The following SAMD9 variants were observed in gnomAD, a reference collection of about 807,000 sequenced individuals.
SAMD9 encodes the protein sterile alpha motif domain-containing protein 9.
Under a neutral mutation model 1.5 loss-of-function variants are expected in SAMD9, and 3 were observed. The ratio of observed to expected loss-of-function variants is 2.05; its 90% CI spans 0.93 to 5.29. The LOEUF is 5.29. Among genes scored for constraint, SAMD9 ranks in the 30% most tolerant of loss-of-function variants. The probability of loss-of-function intolerance (pLI) is 0.02; values close to 1 mark genes in which losing one functional copy is unlikely to be tolerated. For missense variants in SAMD9, 1,597 were observed against 1,820.8 expected (o/e 0.88, Z 2.24); for synonymous variants, 635 against 631.9 (o/e 1.00, Z -0.07).
At chr7:93,112,854 A>G (rs1188411249) in intron 2 of SAMD9, among the ~76,000 whole-genome samples, 2 of 152,252 alleles carry the variant, frequency 1.3e-5, no homozygotes, top group African/African-American at 4.8e-5. Flanking sequence ...GGAAGAATCA[A>G]TATCATGAAA....
chr7:93,102,800 C>A lies in SAMD9; in HGVS notation c.3298G>T (p.Gly1100Cys). ...RHFYIKKKDFGNALNWAKQAK... is the reference protein window; with the variant it reads ...RHFYIKKKDFCNALNWAKQAK... ...TGTTTTGCCCAGTTTAGAGCATTGC[C>A]AAAGTCCTTCTTTTTAATGTAGAAA... The change falls in exon 3 of 3, where the codon GGC (glycine) becomes TGC (cysteine). Residue 1100 changes from glycine to cysteine, a missense_variant. By Grantham distance (159) the Gly-to-Cys change is radical (BLOSUM62 -3). Transcript: ENST00000379958. The A allele has an allele frequency of 6.2e-7, 1 of 1,613,826 alleles. No individual in the cohort carries two copies. Among genetic ancestry groups the A allele is most frequent in the East Asian group, 2.2e-5 (1 of 44,872 alleles).
chr7:93,100,363 C>G lies in SAMD9; in HGVS notation c.*965G>C, dbSNP rs949235827. The G allele has an allele frequency of 1.3e-5, 2 of 152,052 alleles. No homozygotes were observed. Among genetic ancestry groups the G allele is most frequent in the Non-Finnish European group, 2.9e-5 (2 of 68,008 alleles). 9.4% of individuals were successfully genotyped at this position (152,052 alleles called of 1,614,324 possible). On this transcript the variant is annotated 3_prime_UTR_variant, in exon 3 of 3. Coordinates refer to ENST00000379958, the MANE Select transcript of SAMD9 (RefSeq NM_017654.4). ...CAGGCCCATAATGTCTGGTCTTCCT[C>G]TGTGATGTTAATATTTATCAGGATT...
intron 2 of SAMD9, among the ~76,000 whole-genome samples, chr7:93,109,644 GA>G (rs1464503280): frequency 6.6e-6 from 1 of 152,174 alleles, no homozygotes; most frequent in Admixed American, 6.5e-5. Context: ...CATGGCACAA[GA>G]ACTACGTGAC....
chr7:93,106,341 CA>C (rs1402500643), intron 2 of SAMD9, among the ~76,000 whole-genome samples: 2 of 152,170 alleles, frequency 1.3e-5, no homozygotes, highest in Non-Finnish European at 2.9e-5. Flanking sequence ...GCATACTATA[CA>C]TAATTCTCTT....
Position 93,104,249 on chromosome 7 carries a change from TG to T in SAMD9, c.1848del (p.Thr617LeufsTer5). ...ISALSLEEIN[G>X]TILKLKSVTQ... ...GTCACAGATTTTAGTTTAAGAATAG[TG>T]CCATTGATCTCTTCAAGGCTTAAAG... is the stretch of plus-strand genomic sequence containing the variant. On this transcript the variant is annotated frameshift_variant, in exon 3 of 3. Coordinates refer to ENST00000379958, the MANE Select transcript of SAMD9 (RefSeq NM_017654.4). LOFTEE classifies it low-confidence loss of function (END_TRUNC). 6.2e-7 allele frequency: 1 copy of T among 1,613,866 alleles called. No homozygotes were observed. Among genetic ancestry groups the T allele is most frequent in the South Asian group, 1.1e-5 (1 of 91,068 alleles).
At chr7:93,110,347 A>G (rs1791720178) in intron 2 of SAMD9, among the ~76,000 whole-genome samples, 1 of 152,250 alleles carries the variant, frequency 6.6e-6, no homozygotes, top group Non-Finnish European at 1.5e-5. Flanking sequence ...CAGCCACTGC[A>G]AAAACATGCC....
rs182934038 is a variant in SAMD9, at chr7:93,116,064, T to C, written c.-109-1169A>G. On this transcript the variant is annotated intron_variant, in intron 1 of 2. Transcript: ENST00000379958. ...CAGGGGTCCCCGATTATTGTGCTGC[T>C]AGCGTGCGCTGGCTCCTGAGGCCTC... Among the ~76,000 whole-genome samples the C allele has an allele frequency of 2.0e-5, 3 of 152,344 alleles. No homozygotes were observed. In the East Asian group the frequency reaches 5.8e-4, roughly 29 times the overall value.
Position 93,104,463 on chromosome 7 carries a change from T to C in SAMD9, c.1635A>G (p.Leu545=), listed in dbSNP as rs1791595450. 1 of 1,613,902 alleles carries C rather than the reference T, an allele frequency of 6.2e-7. No individual in the cohort carries two copies. The highest frequency in any genetic ancestry group is 8.5e-7 in the Non-Finnish European group (1 of 1,179,898). ...PRGKFLVVFL[L]LSSVDDPRDP... is the part of the protein sequence containing the mutation. ...CTCTTGGGTCATCCACAGAGGACAG[T>C]AATAGAAATACCACCAAAAACTTCC... Residue 545 remains leucine, a synonymous_variant, in exon 3 of 3, where the codon TTA becomes TTG. Coordinates refer to ENST00000379958, the MANE Select transcript of SAMD9 (RefSeq NM_017654.4).
intron 2 of SAMD9, among the ~76,000 whole-genome samples, chr7:93,110,249 G>A (rs551755319): frequency 6.6e-6 from 1 of 152,200 alleles, no homozygotes; most frequent in East Asian, 1.9e-4. Flanking sequence ...TTACAGACAA[G>A]CAAATGCCGA....
In SAMD9 at chr7:93,103,288, T is replaced by G; in HGVS notation, c.2810A>C (p.Gln937Pro). ...TCCAATTCCTAAGAATTTTTCACAC[T>G]GTGATAGTGAAATGGTGGTATCAGG... ...YVPDTTISLS[Q>P]CEKFLGIGNK... The change falls in exon 3 of 3, where the codon CAG becomes CCG. Residue 937 changes from glutamine to proline, a missense_variant. Physicochemically the swap from Gln to Pro is moderately conservative, Grantham distance 76. Transcript: ENST00000379958. 1 of 1,613,678 alleles carries G rather than the reference T, an allele frequency of 6.2e-7. No individual in the cohort carries two copies. Among genetic ancestry groups the G allele is most frequent in the Non-Finnish European group, 8.5e-7 (1 of 1,179,748 alleles).
intron 2 of SAMD9, among the ~76,000 whole-genome samples, chr7:93,109,301 G>A (rs754982637): frequency 3.9e-5 from 6 of 152,148 alleles, no homozygotes; most frequent in South Asian, 2.1e-4. Flanking sequence ...CCATCTGTAC[G>A]TCACCATCAT....
Position 93,101,453 on chromosome 7 carries a change from T to C in SAMD9, c.4645A>G (p.Ile1549Val), listed in dbSNP as rs768387962. ...LYIEYGINEK[I>V]TIPITPAFLG... is the part of the protein sequence containing the mutation. Reference sequence around the variant, plus strand: ...AAAGCGGGAGTGATGGGTATTGTGATTTTTTCATTGATTCCATATTCTATA... The same window carrying C: ...AAAGCGGGAGTGATGGGTATTGTGACTTTTTCATTGATTCCATATTCTATA... Residue 1549 changes from isoleucine to valine, a missense_variant, in exon 3 of 3, where the codon ATC (isoleucine) becomes GTC (valine). This residue lies in a region of SAMD9 where 682 missense variants were observed against 810.0 expected (regional missense o/e 0.84). Coordinates refer to ENST00000379958, the MANE Select transcript of SAMD9 (RefSeq NM_017654.4). The C allele has an allele frequency of 1.9e-6, 3 of 1,613,644 alleles. No individual in the cohort carries two copies. The highest frequency in any genetic ancestry group is 2.5e-6 in the Non-Finnish European group (3 of 1,179,690).
chr7:93,116,873 A>C (rs1031078114), intron 1 of SAMD9, among the ~76,000 whole-genome samples: 2 of 152,228 alleles, frequency 1.3e-5, no homozygotes, highest in Non-Finnish European at 2.9e-5. Flanking sequence ...GATTGAACCC[A>C]CATACATTTT....
In SAMD9 at chr7:93,101,568, G is replaced by A. The variant is rs747935345; in HGVS notation, c.4530C>T (p.Ser1510=). ...TCCACACATCTCCACTCTGCCACAAGGAATTAATATCTGGTGTCTTCTTAA... is the reference window on the plus strand; with the variant it reads ...TCCACACATCTCCACTCTGCCACAAAGAATTAATATCTGGTGTCTTCTTAA... ...QCFKKTPDIN[S]LWQSGDVWKE... Residue 1510 remains serine (S), a synonymous_variant, in exon 3 of 3, where the codon TCC becomes TCT. Coordinates refer to ENST00000379958, the MANE Select transcript of SAMD9 (RefSeq NM_017654.4). 36 of 1,613,842 alleles carry A rather than the reference G, an allele frequency of 2.2e-5. No individual in the cohort carries two copies. In the South Asian group the frequency reaches 2.6e-4, roughly 12 times the overall value.
rs550190460 is a variant in SAMD9, at chr7:93,105,889, A to T, written c.209T>A (p.Leu70Gln). The T allele has an allele frequency of 5.3e-5, 85 of 1,614,074 alleles. No homozygotes were observed. The Middle Eastern group carries it at 1.8e-3, about 34-fold the overall frequency. The change falls in exon 3 of 3, where the codon CTA becomes CAA. Residue 70 changes from leucine to glutamine, a missense_variant. Leu to Gln is a moderately radical substitution (Grantham distance 113). Transcript: ENST00000379958. ...THGPAIQIEE[L>Q]FKELRKTAIE... ...GGCTGTTTTCCGCAATTCTTTGAAT[A>T]GTTCTTCTATTTGAATAGCTGGTCC... is the stretch of plus-strand genomic sequence containing the variant.
chr7:93,107,186 G>A (rs970956571), intron 2 of SAMD9, among the ~76,000 whole-genome samples: 9 of 151,894 alleles, frequency 5.9e-5, no homozygotes, highest in Non-Finnish European at 1.2e-4. Flanking sequence ...GATTACAGGC[G>A]TGAGTCACCA....
chr7:93,102,150 G>A lies in SAMD9; in HGVS notation c.3948C>T (p.Asn1316=). ...IFCLLEESQN[N]TGLGSKFSEP... ...CACTGAACTTTGATCCAAGACCTGT[G>A]TTGTTTTGTGATTCTTCTAAGAGAC... Residue 1316 remains asparagine, a synonymous_variant, in exon 3 of 3, where the codon AAC becomes AAT. Coordinates refer to ENST00000379958, the MANE Select transcript of SAMD9 (RefSeq NM_017654.4). 6.2e-7 allele frequency: 1 copy of A among 1,613,434 alleles called. No homozygotes were observed. Among genetic ancestry groups the A allele is most frequent in the Non-Finnish European group, 8.5e-7 (1 of 1,179,692 alleles).
chr7:93,105,616 CAT>C lies in SAMD9; in HGVS notation c.480_481del (p.Val162IlefsTer5), dbSNP rs1233156760. 4.3e-6 allele frequency: 7 copies of C among 1,614,028 alleles called. No individual in the cohort carries two copies. In the South Asian group the frequency reaches 4.4e-5, roughly 10 times the overall value. Reference sequence around the variant, plus strand: ...GAATTCATCAAATGGATATGATACACATGTCAGGTCTATGGATGGTTGCCTTT... The same window carrying C: ...GAATTCATCAAATGGATATGATACACGTCAGGTCTATGGATGGTTGCCTTT... On this transcript the variant is annotated frameshift_variant, in exon 3 of 3. Transcript: ENST00000379958. LOFTEE classifies it low-confidence loss of function (END_TRUNC).
Position 93,103,973 on chromosome 7 carries a change from C to A in SAMD9, c.2125G>T (p.Asp709Tyr). 9 of 1,613,466 alleles carry A rather than the reference C, an allele frequency of 5.6e-6. No homozygotes were observed. Among genetic ancestry groups the A allele is most frequent in the Admixed American group, 1.7e-5 (1 of 59,952 alleles). ...ESYSSPFVKRDKYERLEAMIQ... is the reference protein window; with the variant it reads ...ESYSSPFVKRYKYERLEAMIQ... ...ATTGCTTCAAGTCTTTCATATTTAT[C>A]CCTTTTGACAAAAGGTGAAGAATAA... The change falls in exon 3 of 3, where the codon GAT (aspartate) becomes TAT (tyrosine). Residue 709 changes from aspartate to tyrosine, a missense_variant. Coordinates refer to ENST00000379958, the MANE Select transcript of SAMD9 (RefSeq NM_017654.4).
Sources: gnomAD v4.1 joint callset for allele counts (sites outside exome capture counted in the v4.1 genomes callset) on GRCh38, gnomAD v4.1.1 for gene constraint, gnomAD v4.1.1 regional missense constraint, MANE v1.5 for transcripts, NCBI Gene and HGNC (gene_info 2026-07-23, HGNC 2026-07-21) for gene names.